ACTN2: variants seen among roughly 807,000 people sequenced by gnomAD.
ACTN2 encodes the protein alpha-actinin-2.
ACTN2 carries 39 observed loss-of-function variants against 113.8 expected under a neutral mutation model. The ratio of observed to expected loss-of-function variants is 0.34; its 90% CI spans 0.27 to 0.45. The LOEUF (loss-of-function observed/expected upper bound fraction) is 0.45. ACTN2 is among the 20% of genes least tolerant of loss of function. ACTN2 has a pLI of 1.00. For missense variants in ACTN2, 992 were observed against 1,177.9 expected (o/e 0.84, Z 2.31); for synonymous variants, 429 against 444.1 (o/e 0.97, Z 0.43).
chr1:236,693,107 C>A (rs192774917), intron 1 of ACTN2, among the ~76,000 whole-genome samples: 7 of 151,700 alleles, frequency 4.6e-5, no homozygotes, highest in African/African-American at 1.7e-4. Flanking sequence ...GAAGGAAAAC[C>A]TTAAGTGCAA....
chr1:236,707,802 C>T (rs1657879672), intron 1 of ACTN2, among the ~76,000 whole-genome samples: 1 of 146,166 alleles, frequency 6.8e-6, no homozygotes, highest in African/African-American at 2.6e-5. Flanking sequence ...ACCTCCGCCT[C>T]CTGGGTTCAA....
intron 2 of ACTN2, 66 bp from the exon 3 acceptor site, chr1:236,718,828 G>C (rs1658297300): frequency 7.5e-6 from 12 of 1,609,506 alleles, no homozygotes; most frequent in Non-Finnish European, 1.0e-5. Flanking sequence ...CTTAGTTTTG[G>C]CATCTTGATT....
chr1:236,740,744 G>A (rs1446964656), intron 10 of ACTN2, among the ~76,000 whole-genome samples: 3 of 151,780 alleles, frequency 2.0e-5, no homozygotes. Flanking sequence ...TATTGGCCAG[G>A]CTGGTCTCGA....
chr1:236,734,535 T>A, intron 7 of ACTN2: 1 of 1,504,550 alleles, frequency 6.6e-7, no homozygotes, highest in South Asian at 1.2e-5. Flanking sequence ...ATGTAAACCA[T>A]GAGTCACTGC....
intron 6 of ACTN2, among the ~76,000 whole-genome samples, chr1:236,728,274 A>C (rs963956533): frequency 6.6e-6 from 1 of 151,644 alleles, no homozygotes; most frequent in Non-Finnish European, 1.5e-5. Flanking sequence ...CTCCCGAGTA[A>C]CTGGGACTAC....
chr1:236,731,802 CAT>C (rs1475857302), intron 7 of ACTN2, among the ~76,000 whole-genome samples: 3 of 152,174 alleles, frequency 2.0e-5, no homozygotes. Context: ...CAAACTTTCA[CAT>C]ATTGTTTTTA....
intron 15 of ACTN2, among the ~76,000 whole-genome samples, chr1:236,753,539 G>A (rs761633041): frequency 6.6e-6 from 1 of 152,092 alleles, no homozygotes; most frequent in African/African-American, 2.4e-5. Flanking sequence ...ATTTTAATCC[G>A]AGATGGTGAA....
At chr1:236,734,963 G>C (rs769173931) in intron 7 of ACTN2, among the ~76,000 whole-genome samples, 4 of 152,224 alleles carry the variant, frequency 2.6e-5, no homozygotes, top group Admixed American at 6.5e-5. Context: ...CCTTTTGGCT[G>C]TTTCAGCAAT....
intron 4 of ACTN2, 29 bp from the exon 5 acceptor site, chr1:236,725,904 G>T: frequency 1.9e-6 from 3 of 1,609,158 alleles, no homozygotes; most frequent in Non-Finnish European, 2.6e-6. Flanking sequence ...CATTTCCCTG[G>T]GGCCACTTTT....
At chr1:236,746,577 A>G (rs1659244854) in intron 12 of ACTN2, among the ~76,000 whole-genome samples, 1 of 152,020 alleles carries the variant, frequency 6.6e-6, no homozygotes, top group African/African-American at 2.4e-5. Flanking sequence ...GTAGTGGCAC[A>G]TGCCTGTAGT....
chr1:236,722,884 A>G (rs533022466), intron 4 of ACTN2, among the ~76,000 whole-genome samples: 91 of 152,252 alleles, frequency 6.0e-4, no homozygotes, highest in Non-Finnish European at 1.0e-3. Context: ...TTTTCCAGTA[A>G]TGTACGTAAT....
At chr1:236,699,040 T>G (rs911439177) in intron 1 of ACTN2, among the ~76,000 whole-genome samples, 5 of 152,212 alleles carry the variant, frequency 3.3e-5, no homozygotes, top group Admixed American at 6.5e-5. Flanking sequence ...TTTATAAATA[T>G]GGAGATACTA....
chr1:236,740,405 C>CGT (rs1659034527), intron 10 of ACTN2, among the ~76,000 whole-genome samples: 1 of 152,072 alleles, frequency 6.6e-6, no homozygotes. Flanking sequence ...TGAGCCACCA[C>CGT]GCCCAGCCCC....
In ACTN2 at chr1:236,718,771, A is replaced by G; in HGVS notation, c.242-123A>G. 2.2e-6 allele frequency: 3 copies of G among 1,371,358 alleles called. No homozygotes were observed. In the East Asian group the frequency reaches 7.0e-5, roughly 32 times the overall value. The allele number at this position is 1,371,358 out of a possible 1,614,324, so 84.9% of individuals were successfully genotyped here. On this transcript the variant is annotated intron_variant, in intron 2 of 20. Coordinates refer to ENST00000366578, the MANE Select transcript of ACTN2 (RefSeq NM_001103.4). ...TGTGATTTAGAGAGACCAGGCACAC[A>G]TCAGAAATAGTCATGTAACCTTCTC...
chr1:236,711,205 C>T (rs1322858834), intron 1 of ACTN2, among the ~76,000 whole-genome samples: 3 of 152,166 alleles, frequency 2.0e-5, no homozygotes, highest in African/African-American at 4.8e-5. Flanking sequence ...GGAAAGAGAT[C>T]CTAATATTTG....
chr1:236,696,823 G>A (rs749347360), intron 1 of ACTN2, among the ~76,000 whole-genome samples: 16 of 152,060 alleles, frequency 1.1e-4, no homozygotes, highest in Non-Finnish European at 2.2e-4. Flanking sequence ...GCGCCACCAC[G>A]CCCAGCTAAT....
At chr1:236,712,330 C>A (rs1658051475) in intron 1 of ACTN2, among the ~76,000 whole-genome samples, 1 of 152,150 alleles carries the variant, frequency 6.6e-6, no homozygotes, top group South Asian at 2.1e-4. Flanking sequence ...TCAGAGGGCA[C>A]TGGGCTCTTT....
At chr1:236,733,477 A>G (rs1288128615) in intron 7 of ACTN2, among the ~76,000 whole-genome samples, 1 of 152,082 alleles carries the variant, frequency 6.6e-6, no homozygotes, top group East Asian at 1.9e-4. Context: ...CACTGTGTTC[A>G]TTTCCTCCTC....
intron 14 of ACTN2, among the ~76,000 whole-genome samples, chr1:236,749,799 T>TCAA (rs542797120): frequency 1.1e-4 from 17 of 151,970 alleles, no homozygotes; most frequent in East Asian, 5.8e-4. Flanking sequence ...AGACCCTGTC[T>TCAA]CAACAACAAC....
Sources: allele counts gnomAD v4.1 joint callset (sites outside exome capture counted in the v4.1 genomes callset), GRCh38; gene constraint gnomAD v4.1.1; transcripts MANE v1.5; gene names NCBI Gene and HGNC (gene_info 2026-07-23, HGNC 2026-07-21).